Variants in KLRC3 observed in about 807,000 individuals in gnomAD.
KLRC3 encodes killer cell lectin like receptor C3.
Under a neutral mutation model 23.6 loss-of-function variants are expected in KLRC3, and 16 were observed. The observed-to-expected ratio is 0.68, with a 90% confidence interval of 0.46 to 1.03. The LOEUF is 1.03. Ranked by LOEUF, KLRC3 falls within the 50% of genes least tolerant of loss-of-function variation. The pLI is 0.00. For synonymous variants in KLRC3, 70 were observed against 71.8 expected (o/e 0.98, Z 0.13); for missense variants, 209 against 232.2 (o/e 0.90, Z 0.65).
chr12:10,412,347 G>A lies in KLRC3; in HGVS notation c.*225C>T, dbSNP rs941598388. 7.2e-6 allele frequency: 4 copies of A among 557,056 alleles called. No homozygotes were observed. The highest frequency in any genetic ancestry group is 9.5e-6 in the Non-Finnish European group (3 of 317,188). The allele number at this position is 557,056 out of a possible 1,614,324, so 34.5% of individuals were successfully genotyped here. ...CATTGATTTATTTTCCAATCATAAC[G>A]GTCTGCATTTTAATATTAATATTTG... On this transcript the variant is annotated 3_prime_UTR_variant, in exon 7 of 7. Coordinates refer to ENST00000396439, the MANE Select transcript of KLRC3 (RefSeq NM_002261.3).
chr12:10,418,255 T>C (rs1863672458), intron 4 of KLRC3, 89 bp downstream of exon 4: 2 of 1,242,232 alleles, frequency 1.6e-6, no homozygotes, highest in African/African-American at 1.5e-5. Context: ...ATAAGCTAAA[T>C]ATATGTACAC....
In KLRC3 at chr12:10,412,630, C is replaced by A. The variant is rs962869641; in HGVS notation, c.679-14G>T. 1.4e-6 allele frequency: 1 copy of A among 700,680 alleles called. No homozygotes were observed. The highest frequency in any genetic ancestry group is 2.0e-5 in the Admixed American group (1 of 49,752). The allele number at this position is 700,680 out of a possible 1,614,324, so 43.4% of individuals were successfully genotyped here. On this transcript the variant is annotated splice_polypyrimidine_tract_variant and intron_variant, in intron 6 of 6. Coordinates refer to ENST00000396439, the MANE Select transcript of KLRC3 (RefSeq NM_002261.3). ...GAAACCCCGTCTCTACAAAAAAATACGAAAATTAGCCAGCATGATGGTATT... is the reference window on the plus strand; with the variant it reads ...GAAACCCCGTCTCTACAAAAAAATAAGAAAATTAGCCAGCATGATGGTATT...
rs905340319 is a variant in KLRC3, at chr12:10,412,495, C to T, written c.*77G>A. On this transcript the variant is annotated 3_prime_UTR_variant, in exon 7 of 7. Coordinates refer to ENST00000396439, the MANE Select transcript of KLRC3 (RefSeq NM_002261.3). ...TTTTTAAAACACAAGCTAAATGGTA[C>T]ATGAGCACTCAGGGGCGGTGGCTTG... 89 of 700,326 alleles carry T rather than the reference C, an allele frequency of 1.3e-4. No homozygotes were observed. The Admixed American group carries it at 1.6e-3, about 13-fold the overall frequency. The allele number at this position is 700,326 out of a possible 1,614,324, so 43.4% of individuals were successfully genotyped here. A position where few individuals can be genotyped will look rare whatever the true frequency, so the allele number is the denominator to read the frequency against.
intron 6 of KLRC3, among the ~76,000 whole-genome samples, chr12:10,414,220 A>C (rs1346416399): frequency 1.3e-5 from 2 of 152,160 alleles, no homozygotes; most frequent in Non-Finnish European, 2.9e-5. Flanking sequence ...CTAGTTTAAC[A>C]TTTGACAAAA....
intron 2 of KLRC3, chr12:10,419,456 A>G (rs1198166218): frequency 2.5e-6 from 1 of 405,718 alleles, no homozygotes; most frequent in African/African-American, 2.3e-5. Flanking sequence ...CTCTACAATG[A>G]TTTTGTTATT....
At chr12:10,415,681 T>G in intron 6 of KLRC3, 23 bp downstream of exon 6, 2 of 1,613,508 alleles carry the variant, frequency 1.2e-6, no homozygotes, top group Non-Finnish European at 1.7e-6. Context: ...CTCAAGCGCT[T>G]TAATTCTAAA....
chr12:10,420,007 G>T (rs550946066), intron 1 of KLRC3, 43 bp from the exon 2 acceptor site: 35 of 346,542 alleles, frequency 1.0e-4, no homozygotes, highest in Non-Finnish European at 5.3e-6. Context: ...GGGAGATAGA[G>T]AGTTGATTAG....
intron 6 of KLRC3, among the ~76,000 whole-genome samples, chr12:10,414,774 GA>G (rs901451905): frequency 2.8e-5 from 4 of 143,754 alleles, no homozygotes; most frequent in African/African-American, 7.7e-5. Context: ...AATAAAAAAA[GA>G]AAAAAAAAGA....
At chr12:10,419,494 T>C in intron 2 of KLRC3, 3 of 706,216 alleles carry the variant, frequency 4.2e-6, no homozygotes, top group Non-Finnish European at 6.6e-6. Context: ...AGAATAACCA[T>C]ATTATTTTGG....
intron 1 of KLRC3, 60 bp downstream of exon 1, chr12:10,420,304 C>G (rs191444104): frequency 6.5e-7 from 1 of 1,531,480 alleles, no homozygotes; most frequent in Admixed American, 1.8e-5. Context: ...TTTCCTCACC[C>G]TTCTGCATTC....
At chr12:10,413,121 A>G (rs1863595458) in intron 6 of KLRC3, among the ~76,000 whole-genome samples, 1 of 152,234 alleles carries the variant, frequency 6.6e-6, no homozygotes, top group Admixed American at 6.5e-5. Context: ...ATTTAAAACC[A>G]GTACCTCACC....
At chr12:10,416,861 A>G (rs1455294971) in intron 4 of KLRC3, 94 bp from the exon 5 acceptor site, 4 of 1,078,200 alleles carry the variant, frequency 3.7e-6, no homozygotes, top group Non-Finnish European at 5.2e-6. Context: ...TTGCAGTGCC[A>G]AAAACTTTCA....
At position 10,419,327 on chromosome 12, in the gene KLRC3, TA is replaced by T. The variant is rs1488257004; in HGVS notation, c.287-240del. ...ATTTGATGTAACCACTTTCAAAAAT[TA>T]GTTTTTCTAAATACTTTTCTTCTAT... On this transcript the variant is annotated intron_variant, in intron 2 of 6. Transcript: ENST00000396439. Among the ~76,000 whole-genome samples the T allele has an allele frequency of 7.7e-4, 3 of 3,900 alleles. 1 individual carries two copies. In the Admixed American group the frequency reaches 0.022, roughly 29 times the overall value. The allele number at this position is 3,900 out of a possible 152,430, so 2.6% of individuals were successfully genotyped here.
At chr12:10,415,533 T>G in intron 6 of KLRC3, 171 bp downstream of exon 6, 2 of 1,096,744 alleles carry the variant, frequency 1.8e-6, no homozygotes, top group East Asian at 5.3e-5. Flanking sequence ...CTTCCGTAAT[T>G]GTGTGTATTA....
chr12:10,412,790 T>G (rs1466493402), intron 6 of KLRC3, among the ~76,000 whole-genome samples, 174 bp from the exon 7 acceptor site: 1 of 152,158 alleles, frequency 6.6e-6, no homozygotes, highest in East Asian at 1.9e-4. Flanking sequence ...AAATTAATTT[T>G]CCAAACCATT....
intron 5 of KLRC3, among the ~76,000 whole-genome samples, chr12:10,416,283 G>A (rs929408278): frequency 6.6e-6 from 1 of 152,222 alleles, no homozygotes; most frequent in East Asian, 1.9e-4. Flanking sequence ...GGCCCAGGAA[G>A]CTTTCAATGC....
At chr12:10,418,063 A>G (rs1390092994) in intron 4 of KLRC3, among the ~76,000 whole-genome samples, 1 of 152,186 alleles carries the variant, frequency 6.6e-6, no homozygotes. Flanking sequence ...ATCAATCTGC[A>G]TGACTAGATC....
Position 10,412,492 on chromosome 12 carries a change from G to C in KLRC3, c.*80C>G. 1.4e-6 allele frequency: 1 copy of C among 699,772 alleles called. No individual in the cohort carries two copies. The highest frequency in any genetic ancestry group is 2.7e-5 in the East Asian group (1 of 36,964). The allele number at this position is 699,772 out of a possible 1,614,324, so 43.3% of individuals were successfully genotyped here. On this transcript the variant is annotated 3_prime_UTR_variant, in exon 7 of 7. Coordinates refer to ENST00000396439, the MANE Select transcript of KLRC3 (RefSeq NM_002261.3). ...AGATTTTTAAAACACAAGCTAAATG[G>C]TACATGAGCACTCAGGGGCGGTGGC...
intron 4 of KLRC3, among the ~76,000 whole-genome samples, chr12:10,417,289 T>G (rs1863659345): frequency 6.6e-6 from 1 of 150,694 alleles, no homozygotes; most frequent in Non-Finnish European, 1.5e-5. Flanking sequence ...TACTCCCTAC[T>G]AAAAACAACT....
Sources: gnomAD v4.1 joint callset for allele counts (sites outside exome capture counted in the v4.1 genomes callset) on GRCh38, gnomAD v4.1.1 for gene constraint, MANE v1.5 for transcripts, NCBI Gene and HGNC (gene_info 2026-07-23, HGNC 2026-07-21) for gene names.